NAV1: variants seen among roughly 807,000 people sequenced by gnomAD.
NAV1 encodes the protein pore membrane and/or filament interacting like protein 3.
NAV1 carries 18 observed loss-of-function variants against 175.2 expected under a neutral mutation model. The ratio of observed to expected loss-of-function variants is 0.10; its 90% CI spans 0.07 to 0.15. The LOEUF is 0.15. Among genes scored for constraint, NAV1 ranks in the 10% least tolerant of loss-of-function variants. The probability of loss-of-function intolerance (pLI) is 1.00; values close to 1 mark genes in which losing one functional copy is unlikely to be tolerated. For missense variants in NAV1, 1,731 were observed against 2,436.6 expected (o/e 0.71, Z 6.10); for synonymous variants, 897 against 978.7 (o/e 0.92, Z 1.56).
intron 2 of NAV1, among the ~76,000 whole-genome samples, chr1:201,634,928 T>G (rs1668574031): frequency 6.6e-6 from 1 of 152,224 alleles, no homozygotes; most frequent in African/African-American, 2.4e-5. Flanking sequence ...CAAGAAATCT[T>G]GGCAAGACCC....
chr1:201,736,325 G>T (rs1673111526), intron 3 of NAV1, among the ~76,000 whole-genome samples: 1 of 152,128 alleles, frequency 6.6e-6, no homozygotes, highest in Non-Finnish European at 1.5e-5. Context: ...GGTGACCCTG[G>T]AACCCAGAAA....
chr1:201,815,258 G>A (rs1346753429), intron 28 of NAV1, among the ~76,000 whole-genome samples: 2 of 151,968 alleles, frequency 1.3e-5, no homozygotes, highest in African/African-American at 4.8e-5. Context: ...GAAATTCAAA[G>A]CCAGGCATGA....
rs1571821112 is a variant in NAV1, at chr1:201,560,579, A to C, written c.-144+21237A>C. ...GAGGAGGAGCTGGAATTGGCAATGG[A>C]CCCTAGGTTCCTTGCCAGAGCTCTT... On this transcript the variant is annotated intron_variant, in intron 1 of 33. Transcript: ENST00000685211. Among the ~76,000 whole-genome samples, 10 of 152,192 alleles carry C rather than the reference A, an allele frequency of 6.6e-5. No individual in the cohort carries two copies. In the South Asian group the frequency reaches 2.1e-3, roughly 32 times the overall value.
intron 2 of NAV1, among the ~76,000 whole-genome samples, chr1:201,614,067 G>A (rs1314160575): frequency 1.3e-5 from 2 of 151,750 alleles, no homozygotes; most frequent in African/African-American, 4.8e-5. Context: ...GGGGCGAGTG[G>A]GGAGAGGGGG....
intron 2 of NAV1, among the ~76,000 whole-genome samples, chr1:201,639,399 G>C (rs1038612540): frequency 1.2e-4 from 18 of 152,190 alleles, no homozygotes; most frequent in African/African-American, 4.3e-4. Context: ...TCAATGCTTG[G>C]AGATCTGGAC....
At chr1:201,719,070 T>C (rs1672260184) in intron 3 of NAV1, among the ~76,000 whole-genome samples, 1 of 151,288 alleles carries the variant, frequency 6.6e-6, no homozygotes, top group African/African-American at 2.4e-5. Context: ...ATAAACTGGC[T>C]CAAAGAGCCT....
intron 17 of NAV1, among the ~76,000 whole-genome samples, chr1:201,806,144 C>G (rs947363133): frequency 4.6e-5 from 7 of 151,944 alleles, no homozygotes; most frequent in Non-Finnish European, 8.8e-5. Flanking sequence ...ACCACCATGT[C>G]CAACTAATTT....
chr1:201,781,335 A>G lies in NAV1; in HGVS notation c.1663+26A>G, dbSNP rs773683498. 4.5e-6 allele frequency: 7 copies of G among 1,572,454 alleles called. No homozygotes were observed. The Admixed American group carries it at 1.3e-4, about 30-fold the overall frequency. On this transcript the variant is annotated intron_variant, in intron 5 of 29. Coordinates refer to ENST00000367296, the Ensembl canonical transcript of NAV1. ...GTGAGCCTGGAATAAAGGAAGGTAC[A>G]AGGGCAAAGACCTAGTTCTTTGGTT...
chr1:201,659,044 A>C (rs1669511263), intron 1 of NAV1, among the ~76,000 whole-genome samples: 1 of 152,208 alleles, frequency 6.6e-6, no homozygotes, highest in African/African-American at 2.4e-5. Context: ...TGCCCTGACC[A>C]AGAGTTGTTC....
At chr1:201,654,247 C>T (rs1669313805) in intron 1 of NAV1, among the ~76,000 whole-genome samples, 1 of 152,188 alleles carries the variant, frequency 6.6e-6, no homozygotes, top group Non-Finnish European at 1.5e-5. Flanking sequence ...AACCCCAGGC[C>T]ACAGGCCCCT....
intron 2 of NAV1, among the ~76,000 whole-genome samples, chr1:201,605,252 C>G (rs1317899322): frequency 2.0e-5 from 3 of 151,242 alleles, no homozygotes; most frequent in Admixed American, 6.6e-5. Context: ...TCCTTTAGAC[C>G]TTGGCAGCCA....
rs145127498 is a variant in NAV1, at chr1:201,587,072, G to A, written c.-143-1467G>A. On this transcript the variant is annotated intron_variant, in intron 1 of 33. Transcript: ENST00000685211. ...CAAAAAATACAAAAATTAGCCAGGC[G>A]TGGTGGTGCGCACCTGTAGTCCCAG... Among the ~76,000 whole-genome samples, 78 of 151,718 alleles carry A rather than the reference G, an allele frequency of 5.1e-4. 1 individual carries two copies. The East Asian group carries it at 0.011, about 21-fold the overall frequency.
chr1:201,632,795 A>C (rs909128174), intron 2 of NAV1, among the ~76,000 whole-genome samples: 1 of 152,240 alleles, frequency 6.6e-6, no homozygotes, highest in African/African-American at 2.4e-5. Context: ...GTTTGGCCTC[A>C]TACTAGGGCT....
intron 1 of NAV1, among the ~76,000 whole-genome samples, chr1:201,552,833 C>A (rs771732990): frequency 6.6e-6 from 1 of 152,170 alleles, no homozygotes; most frequent in Non-Finnish European, 1.5e-5. Context: ...GACTATACTT[C>A]GGGGTAGATT....
At chr1:201,557,901 G>T (rs891847616) in intron 1 of NAV1, among the ~76,000 whole-genome samples, 1 of 152,136 alleles carries the variant, frequency 6.6e-6, no homozygotes, top group South Asian at 2.1e-4. Flanking sequence ...TGTGCTGGGC[G>T]GTGACTGAGC....
chr1:201,650,143 C>CG (rs1178520767), intron 1 of NAV1, among the ~76,000 whole-genome samples: 2 of 152,238 alleles, frequency 1.3e-5, no homozygotes, highest in African/African-American at 2.4e-5. Flanking sequence ...ACCGGGAAGC[C>CG]TTTGCCCTGT....
chr1:201,813,292 T>G lies in NAV1; in HGVS notation c.5340+34T>G. On this transcript the variant is annotated intron_variant, in intron 28 of 29. Coordinates refer to ENST00000367296, the Ensembl canonical transcript of NAV1. The surrounding 1 kb of genome is among the most constrained non-coding windows in gnomAD (Gnocchi z 4.2). ...TACCCCCTTCACTCAAACCCTAAGA[T>G]CAGGCTGTCCTACCTAACAAAGTAG... The G allele has an allele frequency of 7.3e-7, 1 of 1,374,898 alleles. No homozygotes were observed. 85.2% of individuals were successfully genotyped at this position (1,374,898 alleles called of 1,614,324 possible).
intron 1 of NAV1, among the ~76,000 whole-genome samples, chr1:201,542,249 T>C (rs533340144): frequency 1.3e-5 from 2 of 152,272 alleles, no homozygotes; most frequent in African/African-American, 4.8e-5. Flanking sequence ...CAGCAGATGT[T>C]ACTTACCTCT....
intron 1 of NAV1, among the ~76,000 whole-genome samples, chr1:201,551,498 G>A (rs533712216): frequency 5.3e-5 from 8 of 152,226 alleles, no homozygotes; most frequent in African/African-American, 1.9e-4. Context: ...CAAAGTGCTG[G>A]GATTACAAAC....
Sources: allele counts gnomAD v4.1 joint callset (sites outside exome capture counted in the v4.1 genomes callset), GRCh38; gene constraint gnomAD v4.1.1; non-coding constraint Gnocchi (gnomAD v3.1); transcripts MANE v1.5; gene names NCBI Gene and HGNC (gene_info 2026-07-23, HGNC 2026-07-21).